The following CSMD1 variants were observed in gnomAD, a reference collection of about 807,000 sequenced individuals.
CSMD1 encodes the protein CUB and Sushi multiple domains 1, also known as CUB and sushi domain-containing protein 1.
CSMD1 carries 213 observed loss-of-function variants against 417.5 expected under a neutral mutation model. That is an observed-to-expected ratio of 0.51 (90% CI 0.46 to 0.57). The LOEUF is 0.57. CSMD1 is among the 20% of genes least tolerant of loss of function. CSMD1 has a pLI of 0.00. For synonymous variants in CSMD1, 2,862 were observed against 1,736.8 expected, an observed-to-expected ratio of 1.65 and a Z score of -16.11; for missense variants, 6,923 against 4,529.7, an observed-to-expected ratio of 1.53 and a Z score of -15.17.
At position 4,368,486 on chromosome 8, in the gene CSMD1, A is replaced by T. The variant is rs182875543; in HGVS notation, c.415+51467T>A. Among the ~76,000 whole-genome samples, 133 of 152,310 alleles carry T rather than the reference A, an allele frequency of 8.7e-4. 1 individual carries two copies. Among genetic ancestry groups the T allele is most frequent in the Non-Finnish European group, 1.7e-3 (114 of 68,024 alleles). On this transcript the variant is annotated intron_variant, in intron 3 of 69. Coordinates refer to ENST00000635120, the MANE Select transcript of CSMD1 (RefSeq NM_033225.6). Reference sequence around the variant, plus strand: ...AATATCAGAATGATGCTGGTTTCATAAAGTGACTTAGAGAGAAGTCCCTCT... The same window carrying T: ...AATATCAGAATGATGCTGGTTTCATTAAGTGACTTAGAGAGAAGTCCCTCT...
In CSMD1 at chr8:3,444,586, T is replaced by A. The variant is rs149457863; in HGVS notation, c.1561+24126A>T. 7.6e-3 allele frequency among the ~76,000 whole-genome samples: 1,163 copies of A among 152,152 alleles called. 15 individuals carry two copies. Among genetic ancestry groups the A allele is most frequent in the African/African-American group, 0.027 (1,101 of 41,512 alleles). On this transcript the variant is annotated intron_variant, in intron 12 of 69. Coordinates refer to ENST00000635120, the MANE Select transcript of CSMD1 (RefSeq NM_033225.6). The stretch of plus-strand genomic sequence containing the variant: ...GAGGATGCTACTGGTATCTGGTGGG[T>A]CAAGGCCAATGATGCTCCTAAAAAC...
At chr8:4,968,287 G>T (rs4875419) in intron 1 of CSMD1, among the ~76,000 whole-genome samples, 85,293 of 151,712 alleles carry the variant, frequency 0.56, 24,480 homozygotes, top group Middle Eastern at 0.7. Flanking sequence ...AATTTCACCA[G>T]TTATAAGTGT....
chr8:4,445,591 AG>A (rs1798735451), intron 2 of CSMD1, among the ~76,000 whole-genome samples: 1 of 152,142 alleles, frequency 6.6e-6, no homozygotes, highest in South Asian at 2.1e-4. Flanking sequence ...CTGGTGTTTA[AG>A]AAAGAACTGT....
chr8:3,686,628 G>C (rs550244529), intron 7 of CSMD1, among the ~76,000 whole-genome samples: 8 of 152,294 alleles, frequency 5.3e-5, no homozygotes, highest in African/African-American at 1.7e-4. Flanking sequence ...CTGAAGCCCA[G>C]GGATATCTAT....
chr8:3,254,888 A>C (rs189668346), intron 26 of CSMD1, among the ~76,000 whole-genome samples: 2 of 151,898 alleles, frequency 1.3e-5, no homozygotes, highest in Non-Finnish European at 2.9e-5. Context: ...GTCATTCTCC[A>C]TCCAGCTTTG....
At chr8:3,171,805 A>G (rs777739721) in intron 37 of CSMD1, among the ~76,000 whole-genome samples, 18 of 152,230 alleles carry the variant, frequency 1.2e-4, no homozygotes, top group Non-Finnish European at 2.5e-4. Context: ...GCTTTGTAGT[A>G]TCATCCTTTA....
chr8:4,238,859 A>T (rs181555716), intron 3 of CSMD1, among the ~76,000 whole-genome samples: 1 of 152,152 alleles, frequency 6.6e-6, no homozygotes, highest in African/African-American at 2.4e-5. Flanking sequence ...TTAAAAATCG[A>T]TAGCAAATGC....
intron 5 of CSMD1, among the ~76,000 whole-genome samples, chr8:3,778,168 G>C (rs951807334): frequency 2.0e-5 from 3 of 152,262 alleles, no homozygotes; most frequent in African/African-American, 7.2e-5. Context: ...GGATAGATTA[G>C]AGGCGTCAGC....
intron 1 of CSMD1, among the ~76,000 whole-genome samples, chr8:4,746,975 G>A (rs910101051): frequency 1.3e-5 from 2 of 152,174 alleles, no homozygotes; most frequent in African/African-American, 4.8e-5. Flanking sequence ...GGGAAGAACA[G>A]GAATAATTTC....
At chr8:3,848,069 T>TTCTCTCTCTC (rs111682595) in intron 5 of CSMD1, among the ~76,000 whole-genome samples, 17 of 133,352 alleles carry the variant, frequency 1.3e-4, no homozygotes, top group African/African-American at 3.3e-4. Flanking sequence ...CTGGTGATAT[T>TTCTCTCTCTC]TCTCTCTCTC....
At chr8:4,967,838 G>C (rs1234547408) in intron 1 of CSMD1, among the ~76,000 whole-genome samples, 2 of 152,166 alleles carry the variant, frequency 1.3e-5, no homozygotes, top group Non-Finnish European at 2.9e-5. Flanking sequence ...AGTTGTAACA[G>C]TTGAGATGAC....
chr8:4,297,362 A>G (rs760701000), intron 3 of CSMD1, among the ~76,000 whole-genome samples: 4 of 152,138 alleles, frequency 2.6e-5, no homozygotes, highest in Admixed American at 6.6e-5. Context: ...ACAAAAGATA[A>G]AAGATGCAGA....
intron 3 of CSMD1, among the ~76,000 whole-genome samples, chr8:4,355,507 T>C (rs1242590290): frequency 6.6e-6 from 1 of 152,118 alleles, no homozygotes; most frequent in Non-Finnish European, 1.5e-5. Flanking sequence ...AAAGGGAACA[T>C]TCAGTAGTTT....
chr8:3,214,850 G>A (rs1023205049), intron 29 of CSMD1, among the ~76,000 whole-genome samples, 159 bp from the exon 30 acceptor site: 1 of 152,050 alleles, frequency 6.6e-6, no homozygotes, highest in Admixed American at 6.6e-5. Context: ...ATTGGCTATT[G>A]ACCAAGTGAA....
intron 3 of CSMD1, among the ~76,000 whole-genome samples, chr8:4,290,567 C>G (rs1207382060): frequency 6.6e-6 from 1 of 152,168 alleles, no homozygotes; most frequent in Non-Finnish European, 1.5e-5. Context: ...CCATTCATAG[C>G]TTTTCTGTCT....
chr8:4,169,399 G>T (rs150385125), intron 3 of CSMD1, among the ~76,000 whole-genome samples: 1 of 152,092 alleles, frequency 6.6e-6, no homozygotes. Context: ...ATGAGGCATT[G>T]TAAATACTCG....
intron 26 of CSMD1, among the ~76,000 whole-genome samples, chr8:3,276,564 A>G (rs964691367): frequency 1.3e-5 from 2 of 152,012 alleles, no homozygotes; most frequent in African/African-American, 4.8e-5. Context: ...TGATTCGATT[A>G]CCTCCCACTG....
chr8:4,472,690 T>C (rs1360412480), intron 2 of CSMD1, among the ~76,000 whole-genome samples: 3 of 151,934 alleles, frequency 2.0e-5, no homozygotes. Flanking sequence ...ATCAAGAAAA[T>C]ATTGAAATGA....
intron 17 of CSMD1, among the ~76,000 whole-genome samples, chr8:3,394,430 G>A (rs576042898): frequency 6.6e-5 from 10 of 151,930 alleles, no homozygotes; most frequent in Admixed American, 1.3e-4. Context: ...AATGAAATTA[G>A]TTTCTTCTGC....
Sources: gnomAD v4.1 joint callset for allele counts (sites outside exome capture counted in the v4.1 genomes callset) on GRCh38, gnomAD v4.1.1 for gene constraint, MANE v1.5 for transcripts, NCBI Gene and HGNC (gene_info 2026-07-23, HGNC 2026-07-21) for gene names.